The following GRM7 variants were observed in gnomAD, a reference collection of about 807,000 sequenced individuals.
The protein encoded by GRM7 is glutamate metabotropic receptor 7.
GRM7 carries 35 observed loss-of-function variants against 84.5 expected under a neutral mutation model. The observed-to-expected ratio is 0.41, with a 90% CI of 0.32 to 0.55. The LOEUF is 0.55. GRM7 is among the 20% of genes least tolerant of loss of function. The probability of loss-of-function intolerance (pLI) is 0.19; values close to 1 mark genes in which losing one functional copy is unlikely to be tolerated. For synonymous variants in GRM7, 487 were observed against 455.1 expected, an observed-to-expected ratio of 1.07 and a Z score of -0.89; for missense variants, 1,003 against 1,194.6, an observed-to-expected ratio of 0.84 and a Z score of 2.36.
At chr3:7,418,160 C>T (rs1285364094) in intron 5 of GRM7, among the ~76,000 whole-genome samples, 10 of 152,008 alleles carry the variant, frequency 6.6e-5, no homozygotes, top group South Asian at 6.2e-4. Flanking sequence ...GGGATCTTAC[C>T]GCATTCTTTA....
chr3:7,041,079 CAA>C (rs557674027), intron 1 of GRM7, among the ~76,000 whole-genome samples: 5,410 of 80,758 alleles, frequency 0.067, 205 homozygotes, highest in African/African-American at 0.15. Flanking sequence ...GACCCTGTCT[CAA>C]AAAAAAAAAA....
At position 7,373,926 on chromosome 3, in the gene GRM7, T is replaced by A. The variant is rs1694239499; in HGVS notation, c.1034-41097T>A. 1.3e-5 allele frequency among the ~76,000 whole-genome samples: 2 copies of A among 152,156 alleles called. 1 individual carries two copies. The highest frequency in any genetic ancestry group is 4.1e-4 in the South Asian group (2 of 4,830). ...ATTTTTATTTAACCTTAATTTTAAT[T>A]AGATTTAAATAACCGTCTGTGACTA... On this transcript the variant is annotated intron_variant, in intron 4 of 9. Coordinates refer to ENST00000357716, the MANE Select transcript of GRM7 (RefSeq NM_000844.4).
intron 1 of GRM7, among the ~76,000 whole-genome samples, chr3:6,996,435 G>A (rs1426867339): frequency 6.6e-6 from 1 of 152,198 alleles, no homozygotes; most frequent in African/African-American, 2.4e-5. Context: ...GAACGATTTA[G>A]TTTTAAGAGT....
chr3:6,974,373 C>T (rs9876328), intron 1 of GRM7, among the ~76,000 whole-genome samples: 3,413 of 152,208 alleles, frequency 0.022, 94 homozygotes, highest in African/African-American at 0.064. Context: ...CAATTGAGGA[C>T]ATCAATTTGG....
rs557626212 is a variant in GRM7, at chr3:7,667,833, G to A, written c.2452-12216G>A. ...AAAACAAAACACATATAGGGTCTCAGTTAAGTCAAAGTCAGCAGATTTATG... is the reference window on the plus strand; with the variant it reads ...AAAACAAAACACATATAGGGTCTCAATTAAGTCAAAGTCAGCAGATTTATG... On this transcript the variant is annotated intron_variant, in intron 8 of 9. Coordinates refer to ENST00000357716, the MANE Select transcript of GRM7 (RefSeq NM_000844.4). Among the ~76,000 whole-genome samples, 60 of 144,188 alleles carry A rather than the reference G, an allele frequency of 4.2e-4. No individual in the cohort carries two copies. In the Middle Eastern group the frequency reaches 0.011, roughly 26 times the overall value. The allele number at this position is 144,188 out of a possible 152,430, so 94.6% of individuals were successfully genotyped here.
chr3:7,482,934 A>G (rs1052969134), intron 7 of GRM7, among the ~76,000 whole-genome samples: 1 of 152,104 alleles, frequency 6.6e-6, no homozygotes. Flanking sequence ...GAAAAGAAAG[A>G]GCTAACATTT....
chr3:7,586,346 G>A (rs1322390990), intron 8 of GRM7, among the ~76,000 whole-genome samples: 2 of 151,464 alleles, frequency 1.3e-5, no homozygotes, highest in African/African-American at 4.8e-5. Context: ...CCAAGAGAAA[G>A]GAAATAGTGT....
At chr3:6,916,741 A>C (rs1696954835) in intron 1 of GRM7, among the ~76,000 whole-genome samples, 1 of 152,182 alleles carries the variant, frequency 6.6e-6, no homozygotes. Flanking sequence ...ATTTCGACAT[A>C]TAAATCTTGG....
intron 2 of GRM7, among the ~76,000 whole-genome samples, chr3:7,256,011 G>A (rs1024184158): frequency 2.0e-5 from 3 of 152,130 alleles, no homozygotes; most frequent in Admixed American, 2.0e-4. Context: ...TGAGGCAAAT[G>A]TCCCTGCCTG....
At chr3:7,333,923 A>G (rs749206256) in intron 4 of GRM7, among the ~76,000 whole-genome samples, 12 of 152,028 alleles carry the variant, frequency 7.9e-5, no homozygotes, top group Non-Finnish European at 5.9e-5. Flanking sequence ...CAAAGAATAA[A>G]GAATTTAAAA....
At chr3:7,103,816 T>TTCTTTCTTTCTCTCTCTC (rs1553617438) in intron 1 of GRM7, among the ~76,000 whole-genome samples, 11 of 89,112 alleles carry the variant, frequency 1.2e-4, no homozygotes, top group African/African-American at 5.3e-4. Context: ...CTTTCTTTCT[T>TTCTTTCTTTCTCTCTCTC]TCTCTCTCTC....
At chr3:7,698,802 C>T (rs777435700) in intron 9 of GRM7, among the ~76,000 whole-genome samples, 4 of 152,160 alleles carry the variant, frequency 2.6e-5, no homozygotes, top group Non-Finnish European at 2.9e-5. Flanking sequence ...TAAGTACCCC[C>T]GGGCTACTAC....
At chr3:7,720,868 C>G (rs1489113841) in intron 9 of GRM7, among the ~76,000 whole-genome samples, 1 of 152,180 alleles carries the variant, frequency 6.6e-6, no homozygotes, top group African/African-American at 2.4e-5. Flanking sequence ...TCTTGTCTTA[C>G]CAAAACCATG....
Position 7,206,307 on chromosome 3 carries a change from G to T in GRM7, c.736+59639G>T, listed in dbSNP as rs1026315389. 2.0e-5 allele frequency among the ~76,000 whole-genome samples: 3 copies of T among 152,128 alleles called. No homozygotes were observed. The South Asian group carries it at 6.2e-4, about 31-fold the overall frequency. On this transcript the variant is annotated intron_variant, in intron 2 of 9. Coordinates refer to ENST00000357716, the MANE Select transcript of GRM7 (RefSeq NM_000844.4). ...GTTCAGTGGGAGAAGGAGCTATTAC[G>T]ACTAACTAAAATGAAGCTGAGGGAT...
intron 2 of GRM7, among the ~76,000 whole-genome samples, chr3:7,204,843 A>G (rs1696182754): frequency 3.3e-5 from 5 of 152,212 alleles, no homozygotes. Context: ...TAGCTTTGTA[A>G]GAGAAAAACG....
At chr3:7,694,460 G>C (rs1700939337) in intron 9 of GRM7, 1 of 802,342 alleles carries the variant, frequency 1.2e-6, no homozygotes, top group Non-Finnish European at 1.5e-6. Flanking sequence ...AGAATGTCAA[G>C]CAATCCATCT....
intron 1 of GRM7, among the ~76,000 whole-genome samples, chr3:7,113,759 C>A (rs993052273): frequency 2.0e-5 from 3 of 152,110 alleles, no homozygotes; most frequent in Non-Finnish European, 2.9e-5. Flanking sequence ...TGTCTCCACT[C>A]CCAACTCATG....
At chr3:7,719,208 A>G (rs1701860708) in intron 9 of GRM7, among the ~76,000 whole-genome samples, 1 of 152,158 alleles carries the variant, frequency 6.6e-6, no homozygotes, top group Non-Finnish European at 1.5e-5. Context: ...CAGCCTGGAT[A>G]TTAAGAATTA....
At chr3:7,501,242 G>C (rs1485886179) in intron 7 of GRM7, among the ~76,000 whole-genome samples, 1 of 152,124 alleles carries the variant, frequency 6.6e-6, no homozygotes, top group Admixed American at 6.6e-5. Context: ...TTTTGCCTTT[G>C]ATGAAAATGA....
Sources: allele counts gnomAD v4.1 joint callset (sites outside exome capture counted in the v4.1 genomes callset), GRCh38; gene constraint gnomAD v4.1.1; transcripts MANE v1.5; gene names NCBI Gene and HGNC (gene_info 2026-07-23, HGNC 2026-07-21).